Variants in ZFR observed in about 807,000 individuals in gnomAD.
ZFR encodes zinc finger RNA-binding protein.
A neutral mutation model predicts 130.7 loss-of-function variants in ZFR; 19 were observed. The ratio of observed to expected loss-of-function variants is 0.15; its 90% CI spans 0.10 to 0.21. ZFR has a LOEUF of 0.21. Among genes scored for constraint, ZFR ranks in the 10% least tolerant of loss-of-function variants. ZFR has a pLI of 1.00. For missense variants in ZFR, 872 were observed against 1,321.5 expected (o/e 0.66, Z 5.27); for synonymous variants, 466 against 456.9 (o/e 1.02, Z -0.25).
intron 12 of ZFR, among the ~76,000 whole-genome samples, chr5:32,389,294 G>A (rs2111733608): frequency 6.6e-6 from 1 of 152,082 alleles, no homozygotes; most frequent in South Asian, 2.1e-4. Flanking sequence ...CTGGAAGAAG[G>A]AAAAAAGATT....
chr5:32,423,644 A>T (rs1754003382), intron 2 of ZFR, among the ~76,000 whole-genome samples: 3 of 152,168 alleles, frequency 2.0e-5, no homozygotes, highest in African/African-American at 2.4e-5. Context: ...AAGAAAAAAG[A>T]TCAAAAAAAT....
At chr5:32,398,247 A>G (rs1753363480) in intron 9 of ZFR, among the ~76,000 whole-genome samples, 1 of 152,218 alleles carries the variant, frequency 6.6e-6, no homozygotes, top group Non-Finnish European at 1.5e-5. Context: ...TTACTGAATA[A>G]TTGCTGCTGG....
chr5:32,424,974 A>G (rs1470619262), intron 2 of ZFR, among the ~76,000 whole-genome samples: 3 of 152,198 alleles, frequency 2.0e-5, no homozygotes, highest in African/African-American at 7.2e-5. Context: ...GTACTCATAT[A>G]CTGTCTAGCT....
At chr5:32,356,484 C>T (rs1481178654) in intron 19 of ZFR, among the ~76,000 whole-genome samples, 5 of 152,114 alleles carry the variant, frequency 3.3e-5, no homozygotes, top group Non-Finnish European at 2.9e-5. Context: ...GCGAGCTTGG[C>T]TCACTGCAAG....
intron 19 of ZFR, among the ~76,000 whole-genome samples, chr5:32,359,869 G>A (rs13186757): frequency 1.3e-5 from 2 of 151,376 alleles, no homozygotes. Flanking sequence ...AAAATCGCTT[G>A]AACTCAGGAG....
Position 32,441,518 on chromosome 5 carries a change from G to GAA in ZFR, c.137+2709_137+2710dup, listed in dbSNP as rs35684379. Among the ~76,000 whole-genome samples the GAA allele has an allele frequency of 2.2e-3, 310 of 143,718 alleles. 1 individual carries two copies. Among genetic ancestry groups the GAA allele is most frequent in the East Asian group, 8.6e-3 (42 of 4,898 alleles). 94.3% of individuals were successfully genotyped at this position (143,718 alleles called of 152,430 possible). A position where few individuals can be genotyped will look rare whatever the true frequency, so the allele number is the denominator to read the frequency against. On this transcript the variant is annotated intron_variant, in intron 2 of 19. Coordinates refer to ENST00000265069, the MANE Select transcript of ZFR (RefSeq NM_016107.5). ...TCTATTTTCTATCCAAATTTGATTG[G>GAA]AAAAAAAAAAAAACTGCATATGTTT...
At chr5:32,396,078 G>A (rs1464083398) in intron 10 of ZFR, among the ~76,000 whole-genome samples, 5 of 152,046 alleles carry the variant, frequency 3.3e-5, no homozygotes, top group Non-Finnish European at 5.9e-5. Context: ...AGCTAGCCAG[G>A]CATGGTGGCA....
chr5:32,417,902 C>A (rs1005867484), intron 3 of ZFR, 110 bp from the exon 4 acceptor site: 1 of 935,700 alleles, frequency 1.1e-6, no homozygotes, highest in Non-Finnish European at 1.6e-6. Flanking sequence ...TACGTAGTTT[C>A]ATGACAGACC....
intron 19 of ZFR, among the ~76,000 whole-genome samples, chr5:32,362,580 AT>A (rs1391157451): frequency 6.6e-6 from 1 of 152,208 alleles, no homozygotes; most frequent in African/African-American, 2.4e-5. Context: ...TGTAACTACC[AT>A]CACAATCAAG....
Position 32,438,158 on chromosome 5 carries a change from T to C in ZFR, c.137+6071A>G, listed in dbSNP as rs78365181. ...ATTTGTTTTATTCCTGCTTACTTAATAGATTTGGTGGCTATACATAAACAG... is the reference window on the plus strand; with the variant it reads ...ATTTGTTTTATTCCTGCTTACTTAACAGATTTGGTGGCTATACATAAACAG... On this transcript the variant is annotated intron_variant, in intron 2 of 19. Transcript: ENST00000265069. Among the ~76,000 whole-genome samples, 1,201 of 152,048 alleles carry C rather than the reference T, an allele frequency of 7.9e-3. 10 individuals are homozygous for C. The highest frequency in any genetic ancestry group is 0.02 in the Middle Eastern group (6 of 294).
chr5:32,407,271 A>T (rs899412302), intron 5 of ZFR, among the ~76,000 whole-genome samples: 9 of 151,890 alleles, frequency 5.9e-5, no homozygotes, highest in African/African-American at 1.7e-4. Flanking sequence ...CCCTGCCTTG[A>T]AGAACCTTAT....
chr5:32,380,464 C>A, intron 15 of ZFR: 1 of 244,360 alleles, frequency 4.1e-6, no homozygotes, highest in Non-Finnish European at 8.0e-6. Flanking sequence ...ACAAAGACAA[C>A]AAGACAAGAG....
chr5:32,415,515 T>TGTGCGCGCGCGCGC (rs1326041688), intron 4 of ZFR, among the ~76,000 whole-genome samples: 1 of 97,936 alleles, frequency 1.0e-5, no homozygotes, highest in Non-Finnish European at 2.0e-5. Context: ...TGTGTGTGTG[T>TGTGCGCGCGCGCGC]GCGCGCGCGC....
chr5:32,411,131 C>A (rs1753695711), intron 5 of ZFR, among the ~76,000 whole-genome samples: 1 of 152,162 alleles, frequency 6.6e-6, no homozygotes, highest in African/African-American at 2.4e-5. Flanking sequence ...AATCATGGCT[C>A]CTGTGTGACA....
At chr5:32,421,208 C>G (rs760181180) in intron 2 of ZFR, among the ~76,000 whole-genome samples, 1 of 151,938 alleles carries the variant, frequency 6.6e-6, no homozygotes, top group South Asian at 2.1e-4. Flanking sequence ...ATTACTAAGG[C>G]AGAAACACCT....
At chr5:32,411,296 G>C (rs115226892) in intron 5 of ZFR, among the ~76,000 whole-genome samples, 29 of 152,224 alleles carry the variant, frequency 1.9e-4, no homozygotes, top group African/African-American at 7.0e-4. Flanking sequence ...ATTTAAAACT[G>C]TGTGAGCCTC....
chr5:32,370,310 GGAGAGAGAGAGAGAGAGAGA>G (rs769362722), intron 17 of ZFR, among the ~76,000 whole-genome samples: 31 of 69,854 alleles, frequency 4.4e-4, no homozygotes, highest in Admixed American at 1.3e-3. Context: ...TGTTGTGGGG[GGAGAGAGAGAGAGAGAGAGA>G]GAGAGAGAGA....
chr5:32,393,918 G>A (rs1032625864), intron 11 of ZFR, among the ~76,000 whole-genome samples: 1 of 152,124 alleles, frequency 6.6e-6, no homozygotes, highest in African/African-American at 2.4e-5. Flanking sequence ...GGAGGGTCAA[G>A]ATATTAATAA....
At chr5:32,434,647 C>T (rs147559974) in intron 2 of ZFR, among the ~76,000 whole-genome samples, 21 of 152,058 alleles carry the variant, frequency 1.4e-4, no homozygotes, top group Non-Finnish European at 2.4e-4. Flanking sequence ...GTTGGGAATA[C>T]GTGATAGAGG....
Sources: allele counts gnomAD v4.1 joint callset (sites outside exome capture counted in the v4.1 genomes callset), GRCh38; gene constraint gnomAD v4.1.1; transcripts MANE v1.5; gene names NCBI Gene and HGNC (gene_info 2026-07-23, HGNC 2026-07-21).